ETS1: variants seen among roughly 807,000 people sequenced by gnomAD.
The protein encoded by ETS1 is ETS proto-oncogene 1, transcription factor.
ETS1 carries 15 observed loss-of-function variants against 58.6 expected under a neutral mutation model. The ratio of observed to expected loss-of-function variants is 0.26; its 90% CI spans 0.17 to 0.39. The LOEUF (loss-of-function observed/expected upper bound fraction) is 0.39. Ranked by LOEUF, ETS1 falls within the 10% of genes least tolerant of loss-of-function variation. The pLI is 1.00. For synonymous variants in ETS1, 214 were observed against 218.2 expected (o/e 0.98, Z 0.17); for missense variants, 417 against 610.5 (o/e 0.68, Z 3.34).
chr11:128,522,045 T>A, intron 3 of ETS1: 1 of 1,518,790 alleles, frequency 6.6e-7, no homozygotes, highest in Non-Finnish European at 8.9e-7. Flanking sequence ...GCAGTTACTG[T>A]TGTTTTTCTT....
At chr11:128,499,895 A>G (rs1863041907) in intron 3 of ETS1, among the ~76,000 whole-genome samples, 2 of 152,008 alleles carry the variant, frequency 1.3e-5, no homozygotes, top group Admixed American at 6.6e-5. Context: ...GCAAATGAAA[A>G]ATCTGGGCAA....
intron 3 of ETS1, among the ~76,000 whole-genome samples, chr11:128,495,222 A>C (rs1402497543): frequency 6.6e-6 from 1 of 152,108 alleles, no homozygotes; most frequent in Admixed American, 6.5e-5. Flanking sequence ...CAGTCTTCTA[A>C]CTCTTAAAGT....
At chr11:128,586,749 C>T (rs1400739113) in intron 1 of ETS1, among the ~76,000 whole-genome samples, 1 of 152,134 alleles carries the variant, frequency 6.6e-6, no homozygotes, top group Non-Finnish European at 1.5e-5. Flanking sequence ...TAACAGAGAC[C>T]TTTAACGGTG....
intron 8 of ETS1, among the ~76,000 whole-genome samples, chr11:128,471,719 C>T (rs1208817631): frequency 6.6e-6 from 1 of 152,092 alleles, no homozygotes; most frequent in African/African-American, 2.4e-5. Context: ...AAGGTTTTTC[C>T]AGCCACTATA....
intron 3 of ETS1, among the ~76,000 whole-genome samples, chr11:128,514,856 T>TGAA (rs1340831217): frequency 3.9e-5 from 6 of 152,268 alleles, no homozygotes; most frequent in Admixed American, 3.9e-4. Flanking sequence ...TTGGCCCAGA[T>TGAA]GAAAGCTTTT....
intron 3 of ETS1, among the ~76,000 whole-genome samples, chr11:128,535,976 G>C (rs572268401): frequency 4.6e-5 from 7 of 152,144 alleles, no homozygotes; most frequent in Non-Finnish European, 1.0e-4. Context: ...GTTCCTACTT[G>C]TTAAAGTGGA....
intron 1 of ETS1, among the ~76,000 whole-genome samples, chr11:128,578,890 A>G (rs1864806744): frequency 6.6e-6 from 1 of 152,240 alleles, no homozygotes; most frequent in African/African-American, 2.4e-5. Context: ...TCGTATAATT[A>G]ATTTGTCCCC....
chr11:128,553,695 C>CCCT (rs139279593), intron 3 of ETS1, among the ~76,000 whole-genome samples: 5 of 151,468 alleles, frequency 3.3e-5, no homozygotes, highest in Admixed American at 6.6e-5. Flanking sequence ...ACTCCCGCCA[C>CCCT]CCTCCTCCTC....
intron 8 of ETS1, among the ~76,000 whole-genome samples, chr11:128,469,624 C>T (rs116842927): frequency 0.014 from 2,178 of 152,324 alleles, 28 homozygotes; most frequent in Middle Eastern, 0.051. Flanking sequence ...CAGAAAACAT[C>T]CTGACAGTTT....
At chr11:128,559,227 AG>A (rs1257972539) in intron 2 of ETS1, among the ~76,000 whole-genome samples, 1 of 152,246 alleles carries the variant, frequency 6.6e-6, no homozygotes, top group Non-Finnish European at 1.5e-5. Context: ...AGCCACTTGA[AG>A]GCAAGGTGAC....
At chr11:128,489,554 A>G (rs1179453703) in intron 4 of ETS1, 64 bp from the exon 5 acceptor site, 1 of 1,333,226 alleles carries the variant, frequency 7.5e-7, no homozygotes, top group East Asian at 2.3e-5. Context: ...CAAGCCTCAG[A>G]GAGGACACTG....
intron 1 of ETS1, among the ~76,000 whole-genome samples, chr11:128,573,862 C>T (rs1368097076): frequency 2.0e-5 from 3 of 152,172 alleles, no homozygotes; most frequent in African/African-American, 7.2e-5. Context: ...TCATTACACA[C>T]TTTCATAAAC....
intron 3 of ETS1, among the ~76,000 whole-genome samples, chr11:128,499,864 G>A (rs1011720874): frequency 3.9e-5 from 6 of 152,080 alleles, no homozygotes; most frequent in South Asian, 2.1e-4. Context: ...CAAGGTGTAC[G>A]ATGAGGAGTT....
At position 128,573,056 on chromosome 11, in the gene ETS1, A is replaced by G; in HGVS notation, c.69+6T>C. 6.2e-7 allele frequency: 1 copy of G among 1,601,228 alleles called. No individual in the cohort carries two copies. The highest frequency in any genetic ancestry group is 8.5e-7 in the Non-Finnish European group (1 of 1,173,848). On this transcript the variant is annotated splice_donor_region_variant and intron_variant, in intron 2 of 9. Coordinates refer to ENST00000392668, the MANE Select transcript of ETS1 (RefSeq NM_001143820.2). The stretch of plus-strand genomic sequence containing the variant: ...GCAAAGGGGCAGGGAAGGGGCCACC[A>G]CTCACCACCACTGCAGGACGAGGCG...
chr11:128,584,970 GAAAGAA>G, intron 1 of ETS1, among the ~76,000 whole-genome samples: 1 of 24,104 alleles, frequency 4.1e-5, no homozygotes, highest in South Asian at 8.2e-4. Flanking sequence ...AAGAAAGAAA[GAAAGAA>G]AGAAAGAAAG....
chr11:128,536,377 G>A (rs1306453657), intron 3 of ETS1: 2 of 152,140 alleles, frequency 1.3e-5, no homozygotes, highest in African/African-American at 4.8e-5. Context: ...TGGAATGAAT[G>A]TCATAGTATT....
intron 3 of ETS1, among the ~76,000 whole-genome samples, chr11:128,522,916 G>A (rs970190920): frequency 3.3e-5 from 5 of 152,206 alleles, no homozygotes; most frequent in Admixed American, 6.5e-5. Flanking sequence ...TTCTGAAGGA[G>A]GCTTCAGTTT....
intron 1 of ETS1, among the ~76,000 whole-genome samples, 187 bp downstream of exon 1, chr11:128,587,301 G>T (rs533717189): frequency 1.6e-4 from 24 of 152,232 alleles, no homozygotes; most frequent in Admixed American, 3.9e-4. Flanking sequence ...TTCTGACGAG[G>T]TTAGGAAGTA....
chr11:128,530,768 GAATTTAA>G (rs962498661), intron 3 of ETS1, among the ~76,000 whole-genome samples: 6 of 152,078 alleles, frequency 3.9e-5, no homozygotes, highest in Non-Finnish European at 5.9e-5. Context: ...CCCTTTCCAG[GAATTTAA>G]AATTCTGAAT....
Sources: allele counts gnomAD v4.1 joint callset (sites outside exome capture counted in the v4.1 genomes callset), GRCh38; gene constraint gnomAD v4.1.1; transcripts MANE v1.5; gene names NCBI Gene and HGNC (gene_info 2026-07-23, HGNC 2026-07-21).